The following BNC2 variants were observed in gnomAD, a reference collection of about 807,000 sequenced individuals.
The protein encoded by BNC2 is zinc finger protein basonuclin-2.
Under a neutral mutation model 76.3 loss-of-function variants are expected in BNC2, and 20 were observed. That is an observed-to-expected ratio of 0.26 (90% CI 0.18 to 0.38). The LOEUF is 0.38. BNC2 is among the 10% of genes least tolerant of loss of function. The pLI is 1.00. For missense variants in BNC2, 1,382 were observed against 1,399.8 expected, an observed-to-expected ratio of 0.99 and a Z score of 0.20; for synonymous variants, 582 against 514.8, an observed-to-expected ratio of 1.13 and a Z score of -1.77.
chr9:16,423,998 TAAAGTGGACTACC>T (rs1017334646), intron 6 of BNC2, among the ~76,000 whole-genome samples: 7 of 152,192 alleles, frequency 4.6e-5, no homozygotes, highest in African/African-American at 1.7e-4. Flanking sequence ...CTAACTGGAC[TAAAGTGGACTACC>T]AGTCTTTTTC....
chr9:16,655,815 CG>C (rs1821913267), intron 3 of BNC2, among the ~76,000 whole-genome samples: 1 of 152,184 alleles, frequency 6.6e-6, no homozygotes, highest in Admixed American at 6.5e-5. Context: ...AGAGCAGCAG[CG>C]AACGACTGTC....
At chr9:16,810,067 G>C (rs1261588654) in intron 1 of BNC2, among the ~76,000 whole-genome samples, 1 of 152,062 alleles carries the variant, frequency 6.6e-6, no homozygotes, top group East Asian at 1.9e-4. Flanking sequence ...CCTGCCTACT[G>C]ACCCATCTCA....
At chr9:16,659,147 C>CGGGGG (rs34748774) in intron 3 of BNC2, among the ~76,000 whole-genome samples, 2 of 150,244 alleles carry the variant, frequency 1.3e-5, no homozygotes, top group Admixed American at 6.6e-5. Context: ...AGATGGATGG[C>CGGGGG]GGGGGGGGGC....
intron 3 of BNC2, among the ~76,000 whole-genome samples, chr9:16,679,293 A>G (rs1292498474): frequency 2.0e-5 from 3 of 152,190 alleles, no homozygotes; most frequent in Non-Finnish European, 2.9e-5. Flanking sequence ...GTTTTATAAT[A>G]TAAAAATTCA....
At chr9:16,673,651 TAGATTAAATAACA>T (rs1339876810) in intron 3 of BNC2, among the ~76,000 whole-genome samples, 1 of 152,194 alleles carries the variant, frequency 6.6e-6, no homozygotes, top group Non-Finnish European at 1.5e-5. Flanking sequence ...TTATACAGAA[TAGATTAAATAACA>T]AGATAATCTC....
intron 4 of BNC2, among the ~76,000 whole-genome samples, chr9:16,557,016 C>T (rs1818854629): frequency 6.6e-6 from 1 of 152,028 alleles, no homozygotes; most frequent in Non-Finnish European, 1.5e-5. Context: ...ATGATCTTCA[C>T]ATATCTGACT....
intron 5 of BNC2, among the ~76,000 whole-genome samples, chr9:16,499,530 CTT>C (rs763681726): frequency 6.6e-4 from 84 of 127,066 alleles, no homozygotes; most frequent in African/African-American, 1.7e-3. Context: ...CTTTTTTTTT[CTT>C]TTTTTTTTTT....
chr9:16,460,790 G>A (rs933847868), intron 5 of BNC2, among the ~76,000 whole-genome samples: 6 of 151,964 alleles, frequency 3.9e-5, no homozygotes, highest in African/African-American at 1.2e-4. Context: ...GATTTTTAGC[G>A]TTATTATCAG....
At chr9:16,752,435 G>A (rs564992199) in intron 1 of BNC2, among the ~76,000 whole-genome samples, 5 of 152,078 alleles carry the variant, frequency 3.3e-5, no homozygotes, top group East Asian at 3.9e-4. Context: ...GTGTTTGGGC[G>A]GCAGTAGTTA....
chr9:16,621,255 T>C (rs1226682087), intron 3 of BNC2, among the ~76,000 whole-genome samples: 1 of 152,134 alleles, frequency 6.6e-6, no homozygotes, highest in Non-Finnish European at 1.5e-5. Context: ...ACACAGATGG[T>C]GGACAGCCTC....
chr9:16,483,349 A>C (rs966199323), intron 5 of BNC2, among the ~76,000 whole-genome samples: 2 of 152,158 alleles, frequency 1.3e-5, no homozygotes, highest in African/African-American at 4.8e-5. Flanking sequence ...ATTGCTCTCA[A>C]ATTACATGTA....
At chr9:16,555,185 AT>A (rs910433721) in intron 4 of BNC2, among the ~76,000 whole-genome samples, 58 of 144,404 alleles carry the variant, frequency 4.0e-4, no homozygotes, top group Middle Eastern at 3.6e-3. Context: ...CGCCTGACTA[AT>A]TTTTTTTTTT....
intron 5 of BNC2, among the ~76,000 whole-genome samples, chr9:16,531,930 A>C (rs1406456165): frequency 6.6e-6 from 1 of 152,168 alleles, no homozygotes; most frequent in East Asian, 1.9e-4. Context: ...GGGAAGTTTG[A>C]CAAAATGCAC....
intron 3 of BNC2, among the ~76,000 whole-genome samples, chr9:16,637,086 AT>A (rs903173265): frequency 2.0e-5 from 3 of 150,786 alleles, no homozygotes; most frequent in Admixed American, 1.3e-4. Context: ...GAAAGAGGCA[AT>A]TTTTTTTTCT....
chr9:16,602,210 C>T (rs2133313988), intron 3 of BNC2, among the ~76,000 whole-genome samples: 1 of 152,200 alleles, frequency 6.6e-6, no homozygotes, highest in Middle Eastern at 3.4e-3. Flanking sequence ...GACTAATATG[C>T]CCTCTTCTGG....
chr9:16,865,769 T>C lies in BNC2; in HGVS notation c.3+4877A>G, dbSNP rs188017246. Among the ~76,000 whole-genome samples the C allele has an allele frequency of 4.0e-3, 609 of 152,282 alleles. 6 individuals carry two copies. The highest frequency in any genetic ancestry group is 5.8e-3 in the Non-Finnish European group (397 of 68,004). On this transcript the variant is annotated intron_variant, in intron 1 of 6. Transcript: ENST00000380672. The stretch of plus-strand genomic sequence containing the variant: ...TAGCAAAAACTTAAAGAATGATATA[T>C]CTGTAATATCATTCTTACGCATATT...
intron 3 of BNC2, among the ~76,000 whole-genome samples, chr9:16,721,286 A>G (rs1824149393): frequency 6.6e-6 from 1 of 152,162 alleles, no homozygotes; most frequent in African/African-American, 2.4e-5. Flanking sequence ...ATGTGAGGAT[A>G]TAAAGGCTGT....
At chr9:16,464,562 A>T (rs2149162) in intron 5 of BNC2, among the ~76,000 whole-genome samples, 77,507 of 150,588 alleles carry the variant, frequency 0.51, 21,017 homozygotes, top group African/African-American at 0.69. Context: ...AGATTAAATA[A>T]TTAATATAAG....
Position 16,462,908 on chromosome 9 carries a change from C to T in BNC2, c.670-25384G>A, listed in dbSNP as rs1035663151. ...CTGAAGTTTCTTCCCTTCATCCAGGCTTGTTTGATGTCCTAGTTTTATGCC... is the reference window on the plus strand; with the variant it reads ...CTGAAGTTTCTTCCCTTCATCCAGGTTTGTTTGATGTCCTAGTTTTATGCC... On this transcript the variant is annotated intron_variant, in intron 5 of 6. Transcript: ENST00000380672. Among the ~76,000 whole-genome samples the T allele has an allele frequency of 6.6e-5, 10 of 152,142 alleles. 1 individual carries two copies. The highest frequency in any genetic ancestry group is 2.6e-4 in the Admixed American group (4 of 15,268).
Sources: allele counts gnomAD v4.1 joint callset (sites outside exome capture counted in the v4.1 genomes callset), GRCh38; gene constraint gnomAD v4.1.1; transcripts MANE v1.5; gene names NCBI Gene and HGNC (gene_info 2026-07-23, HGNC 2026-07-21).